Variants in PTPRR observed in about 807,000 individuals in gnomAD.
PTPRR encodes receptor-type tyrosine-protein phosphatase R.
Under a neutral mutation model 77.2 loss-of-function variants are expected in PTPRR, and 38 were observed. That is an observed-to-expected ratio of 0.49 (90% CI 0.38 to 0.65). The LOEUF (loss-of-function observed/expected upper bound fraction) is 0.65, where lower values mean the gene tolerates loss of function less well. PTPRR is among the 30% of genes least tolerant of loss of function. PTPRR has a pLI of 0.00. For missense variants in PTPRR, 744 were observed against 799.2 expected, an observed-to-expected ratio of 0.93 and a Z score of 0.83; for synonymous variants, 299 against 283.1, an observed-to-expected ratio of 1.06 and a Z score of -0.57.
chr12:70,822,688 AATCACTCTATCC>A (rs1405908160), intron 2 of PTPRR, among the ~76,000 whole-genome samples: 1 of 152,164 alleles, frequency 6.6e-6, no homozygotes, highest in African/African-American at 2.4e-5. Context: ...AAGGAAATTA[AATCACTCTATCC>A]ATCAATATCA....
intron 6 of PTPRR, among the ~76,000 whole-genome samples, chr12:70,709,880 G>A (rs1888761185): frequency 6.6e-6 from 1 of 152,074 alleles, no homozygotes; most frequent in African/African-American, 2.4e-5. Flanking sequence ...TTCATGTATA[G>A]GAAGAATTAA....
At chr12:70,896,162 T>C (rs4760771) in intron 1 of PTPRR, among the ~76,000 whole-genome samples, 91,443 of 151,346 alleles carry the variant, frequency 0.6, 28,072 homozygotes, top group Non-Finnish European at 0.67. Flanking sequence ...GGACATATGA[T>C]GCAATGTACA....
chr12:70,803,538 T>G (rs751143213), intron 2 of PTPRR, among the ~76,000 whole-genome samples: 1 of 152,110 alleles, frequency 6.6e-6, no homozygotes, highest in Non-Finnish European at 1.5e-5. Context: ...AGTTGGAAGA[T>G]CTCACAGGAC....
intron 1 of PTPRR, chr12:70,907,015 T>C (rs1565737661): frequency 6.6e-6 from 1 of 152,276 alleles, no homozygotes; most frequent in Non-Finnish European, 1.5e-5. Context: ...TTGACTAGCC[T>C]TAAAGAAAAC....
chr12:70,719,276 T>G (rs1889151220), intron 6 of PTPRR, among the ~76,000 whole-genome samples: 1 of 152,158 alleles, frequency 6.6e-6, no homozygotes, highest in Non-Finnish European at 1.5e-5. Flanking sequence ...CTTTCTAACC[T>G]ACTGCCAATT....
At chr12:70,806,702 T>C (rs1308314396) in intron 2 of PTPRR, among the ~76,000 whole-genome samples, 1 of 152,210 alleles carries the variant, frequency 6.6e-6, no homozygotes, top group Non-Finnish European at 1.5e-5. Flanking sequence ...CTATTGCCTT[T>C]CCATTGTTTA....
At chr12:70,778,902 G>C (rs1318059030) in intron 2 of PTPRR, among the ~76,000 whole-genome samples, 1 of 152,172 alleles carries the variant, frequency 6.6e-6, no homozygotes, top group Non-Finnish European at 1.5e-5. Flanking sequence ...CTGGAGTGCA[G>C]TGGCACGATC....
chr12:70,759,272 T>C (rs1040021), intron 4 of PTPRR, among the ~76,000 whole-genome samples: 4,603 of 152,178 alleles, frequency 0.03, 250 homozygotes, highest in African/African-American at 0.1. Flanking sequence ...GTGTGCCCAT[T>C]GCATGCCAGG....
At chr12:70,795,306 A>G (rs1891492587) in intron 2 of PTPRR, among the ~76,000 whole-genome samples, 1 of 152,178 alleles carries the variant, frequency 6.6e-6, no homozygotes, top group Non-Finnish European at 1.5e-5. Context: ...TATAACTGTA[A>G]TATTCTTTGA....
At chr12:70,902,883 T>C (rs1336360946) in intron 1 of PTPRR, among the ~76,000 whole-genome samples, 2 of 151,612 alleles carry the variant, frequency 1.3e-5, no homozygotes, top group East Asian at 1.9e-4. Flanking sequence ...CAATAACTTA[T>C]GGGAAAAAGA....
chr12:70,721,619 T>TTAGAAATA (rs1198221478), intron 6 of PTPRR, among the ~76,000 whole-genome samples: 1 of 152,176 alleles, frequency 6.6e-6, no homozygotes, highest in Non-Finnish European at 1.5e-5. Flanking sequence ...CCCTGACTGC[T>TTAGAAATA]TAGAAATATT....
chr12:70,739,124 T>C (rs558520896), intron 6 of PTPRR, among the ~76,000 whole-genome samples: 28 of 152,212 alleles, frequency 1.8e-4, no homozygotes, highest in Non-Finnish European at 3.8e-4. Flanking sequence ...TATAATGTTA[T>C]ATGACAGGCT....
intron 2 of PTPRR, among the ~76,000 whole-genome samples, chr12:70,817,330 A>G (rs1052422894): frequency 2.6e-5 from 4 of 152,190 alleles, no homozygotes; most frequent in Non-Finnish European, 5.9e-5. Context: ...GAATAGAGAA[A>G]GATGCCAATG....
intron 2 of PTPRR, among the ~76,000 whole-genome samples, chr12:70,844,057 C>T (rs1565716069): frequency 1.3e-5 from 2 of 151,884 alleles, no homozygotes; most frequent in South Asian, 4.2e-4. Context: ...CGTGGGTGAT[C>T]CACCCACCTC....
At chr12:70,876,790 G>A (rs1303387626) in intron 2 of PTPRR, among the ~76,000 whole-genome samples, 1 of 152,152 alleles carries the variant, frequency 6.6e-6, no homozygotes. Context: ...TATAGCTAAT[G>A]TTAAGAACTC....
chr12:70,900,431 G>T (rs1893511682), intron 1 of PTPRR, among the ~76,000 whole-genome samples: 1 of 151,210 alleles, frequency 6.6e-6, no homozygotes, highest in African/African-American at 2.4e-5. Context: ...TAGAAGAAAA[G>T]ATAGGCAAAA....
At chr12:70,877,463 G>T (rs1254901851) in intron 2 of PTPRR, among the ~76,000 whole-genome samples, 1 of 152,122 alleles carries the variant, frequency 6.6e-6, no homozygotes, top group Non-Finnish European at 1.5e-5. Flanking sequence ...AGAATCAAAT[G>T]AGGTATCCAG....
intron 1 of PTPRR, among the ~76,000 whole-genome samples, chr12:70,913,013 T>C (rs17109018): frequency 0.013 from 1,941 of 152,220 alleles, 48 homozygotes; most frequent in African/African-American, 0.044. Context: ...CACTAGCTTT[T>C]GAATTTGACT....
At chr12:70,791,654 T>C (rs973210280) in intron 2 of PTPRR, among the ~76,000 whole-genome samples, 1 of 152,160 alleles carries the variant, frequency 6.6e-6, no homozygotes, top group African/African-American at 2.4e-5. Flanking sequence ...ATCTTTTGGA[T>C]GAATGAATAA....
Sources: allele counts gnomAD v4.1 joint callset (sites outside exome capture counted in the v4.1 genomes callset), GRCh38; gene constraint gnomAD v4.1.1; transcripts MANE v1.5; gene names NCBI Gene and HGNC (gene_info 2026-07-23, HGNC 2026-07-21).